C6: variants seen among roughly 807,000 people sequenced by gnomAD.
C6 encodes the protein complement component C6.
A neutral mutation model predicts 112.9 loss-of-function variants in C6; 101 were observed. That is an observed-to-expected ratio of 0.89 (90% confidence interval 0.76 to 1.06). C6 has a LOEUF of 1.06. Among genes scored for constraint, C6 ranks in the 50% least tolerant of loss-of-function variants. C6 has a pLI of 0.00. For synonymous variants in C6, 431 were observed against 384.1 expected (o/e 1.12, Z -1.43); for missense variants, 1,202 against 1,104.6 (o/e 1.09, Z -1.25).
At chr5:41,218,843 G>A (rs1738988871) in intron 1 of C6, among the ~76,000 whole-genome samples, 1 of 152,158 alleles carries the variant, frequency 6.6e-6, no homozygotes, top group African/African-American at 2.4e-5. Flanking sequence ...TGGAAAAAAT[G>A]TACATGTGAG....
At chr5:41,225,607 T>G (rs1212393558) in intron 1 of C6, among the ~76,000 whole-genome samples, 3 of 152,096 alleles carry the variant, frequency 2.0e-5, no homozygotes, top group Non-Finnish European at 4.4e-5. Flanking sequence ...TGGGTCAAAT[T>G]GTATTTCTAG....
chr5:41,167,849 G>A (rs1748108552), intron 9 of C6, among the ~76,000 whole-genome samples: 1 of 152,136 alleles, frequency 6.6e-6, no homozygotes, highest in African/African-American at 2.4e-5. Flanking sequence ...AGTTTATGGG[G>A]ACAATACTTC....
intron 1 of C6, chr5:41,212,858 A>G (rs997729342): frequency 2.0e-5 from 3 of 152,184 alleles, no homozygotes; most frequent in African/African-American, 7.2e-5. Context: ...TCACTTTCTA[A>G]TGTATTTTAC....
intron 15 of C6, 111 bp from the exon 16 acceptor site, chr5:41,150,136 G>C (rs985893234): frequency 2.7e-6 from 2 of 754,130 alleles, no homozygotes; most frequent in African/African-American, 1.7e-5. Flanking sequence ...ATCTCTTGGA[G>C]TTAGATCATT....
chr5:41,178,520 G>T (rs1248545258), intron 7 of C6, among the ~76,000 whole-genome samples: 1 of 140,458 alleles, frequency 7.1e-6, no homozygotes, highest in Non-Finnish European at 1.5e-5. Context: ...CTGTCACCCA[G>T]GCTGGAGTGC....
chr5:41,233,666 T>G (rs1239111522), intron 1 of C6, among the ~76,000 whole-genome samples: 4 of 148,980 alleles, frequency 2.7e-5, no homozygotes, highest in African/African-American at 7.3e-5. Context: ...GTTGCTCCAA[T>G]TTAGTGCATG....
intron 4 of C6, among the ~76,000 whole-genome samples, chr5:41,196,443 G>A (rs1750627627): frequency 6.6e-6 from 1 of 151,938 alleles, no homozygotes; most frequent in African/African-American, 2.4e-5. Context: ...TGTCCAGGGA[G>A]AAGGAGGGGG....
chr5:41,175,133 TTGAC>T (rs1748729137), intron 8 of C6, among the ~76,000 whole-genome samples: 1 of 152,182 alleles, frequency 6.6e-6, no homozygotes, highest in Non-Finnish European at 1.5e-5. Flanking sequence ...GTCATCCTCT[TTGAC>T]TGAGCATGCA....
At chr5:41,219,849 T>A (rs575943879) in intron 1 of C6, among the ~76,000 whole-genome samples, 3 of 152,162 alleles carry the variant, frequency 2.0e-5, no homozygotes, top group Non-Finnish European at 4.4e-5. Flanking sequence ...GTTGTCTCAG[T>A]CAAATGCTTG....
Position 41,194,886 on chromosome 5 carries a change from GAAGA to G in C6, c.587+902_587+905del, listed in dbSNP as rs1291726318. On this transcript the variant is annotated intron_variant, in intron 5 of 17. Coordinates refer to ENST00000337836, the MANE Select transcript of C6 (RefSeq NM_000065.5). ...GGGTATTCCTGTAGTAGGAACACTA[GAAGA>G]AAGAGCTATGTGATCTCCTGAGGTT... Among the ~76,000 whole-genome samples, 3 of 152,184 alleles carry G rather than the reference GAAGA, an allele frequency of 2.0e-5. No homozygotes were observed. In the South Asian group the frequency reaches 6.2e-4, roughly 32 times the overall value.
In C6 at chr5:41,199,867, G is replaced by A; in HGVS notation, c.346C>T (p.Pro116Ser). Residue 116 changes from proline to serine, a missense_variant, in exon 4 of 18, where the codon CCA becomes TCA. Coordinates refer to ENST00000337836, the MANE Select transcript of C6 (RefSeq NM_000065.5). ...VLRPSQFGGQ[P>S]CTAPLVAFQP... is the part of the protein sequence containing the mutation. ...AAGGCTACCAGAGGCGCAGTGCATG[G>A]CTGTCCCCCAAACTGACTGGGACGC... The A allele has an allele frequency of 6.2e-7, 1 of 1,613,552 alleles. No individual in the cohort carries two copies. The highest frequency in any genetic ancestry group is 1.1e-5 in the South Asian group (1 of 91,066).
rs115825811 is a variant in C6, at chr5:41,205,681, C to A, written c.-20-2431G>T. On this transcript the variant is annotated intron_variant, in intron 1 of 17. Coordinates refer to ENST00000337836, the MANE Select transcript of C6 (RefSeq NM_000065.5). ...ACAGGGAGGCTGGCGGAGGGGTGCC[C>A]GCCTTTGCTGAGGCTTGAGTAGGTA... Among the ~76,000 whole-genome samples, 636 of 152,312 alleles carry A rather than the reference C, an allele frequency of 4.2e-3. 7 individuals carry two copies. The highest frequency in any genetic ancestry group is 0.015 in the African/African-American group (610 of 41,574).
intron 1 of C6, among the ~76,000 whole-genome samples, chr5:41,205,454 G>A (rs1751360950): frequency 6.6e-6 from 1 of 152,174 alleles, no homozygotes; most frequent in Admixed American, 6.5e-5. Context: ...AAGGGGTCGG[G>A]GAATTCCCTT....
rs747816645 is a variant in C6, at chr5:41,187,699, T to TAAACACAC, written c.588-1492_588-1491insGTGTGTTT. 4.6e-3 allele frequency among the ~76,000 whole-genome samples: 572 copies of TAAACACAC among 123,328 alleles called. 6 individuals carry two copies. The highest frequency in any genetic ancestry group is 0.016 in the African/African-American group (523 of 32,832). 80.9% of individuals were successfully genotyped at this position (123,328 alleles called of 152,430 possible). A position where few individuals can be genotyped will look rare whatever the true frequency, so the allele number is the denominator to read the frequency against. ...ATGTAAAAGTACACAGACACACACA[T>TAAACACAC]ACACACACACACACACACACACACA... On this transcript the variant is annotated intron_variant, in intron 5 of 17. Transcript: ENST00000337836.
intron 1 of C6, among the ~76,000 whole-genome samples, chr5:41,253,384 T>A (rs1243777014): frequency 6.6e-6 from 1 of 152,132 alleles, no homozygotes; most frequent in Non-Finnish European, 1.5e-5. Flanking sequence ...ATCTCATAAA[T>A]CTCTCTCTGT....
At chr5:41,192,020 C>T (rs1227898238) in intron 5 of C6, among the ~76,000 whole-genome samples, 1 of 152,094 alleles carries the variant, frequency 6.6e-6, no homozygotes, top group African/African-American at 2.4e-5. Flanking sequence ...TTTCTCTACC[C>T]AGTATGATGC....
At chr5:41,165,902 T>C (rs1482556869) in intron 9 of C6, among the ~76,000 whole-genome samples, 1 of 152,132 alleles carries the variant, frequency 6.6e-6, no homozygotes, top group Non-Finnish European at 1.5e-5. Context: ...ACTTAATACA[T>C]CACAGCATGA....
In C6 at chr5:41,142,923, A is replaced by G. The variant is rs1745479782; in HGVS notation, c.2707T>C (p.Ser903Pro). Reference protein sequence around the residue: ...NQLYCVKMGSSTSEKTLNICE... With the variant: ...NQLYCVKMGSPTSEKTLNICE... ...ATGTTCAATGTTTTCTCACTTGTTGATGATCCCATTTTGACACAGTAGAGT... is the reference window on the plus strand; with the variant it reads ...ATGTTCAATGTTTTCTCACTTGTTGGTGATCCCATTTTGACACAGTAGAGT... Residue 903 changes from serine to proline, a missense_variant, in exon 18 of 18, where the codon TCA (serine) becomes CCA (proline). Transcript: ENST00000337836. 1 of 1,613,422 alleles carries G rather than the reference A, an allele frequency of 6.2e-7. No homozygotes were observed. Among genetic ancestry groups the G allele is most frequent in the Admixed American group, 1.7e-5 (1 of 59,880 alleles).
chr5:41,246,410 C>G lies in C6; in HGVS notation c.-21+14784G>C, dbSNP rs1282392625. Among the ~76,000 whole-genome samples the G allele has an allele frequency of 2.0e-5, 3 of 152,296 alleles. No homozygotes were observed. The East Asian group carries it at 5.8e-4, about 29-fold the overall frequency. On this transcript the variant is annotated intron_variant, in intron 1 of 17. Coordinates refer to the C6 transcript ENST00000263413. ...CACACAGATGTTTTTGAAATTGCAT[C>G]CAACTATTCTAATTATTCTTAGTGG...
Sources: gnomAD v4.1 joint callset for allele counts (sites outside exome capture counted in the v4.1 genomes callset) on GRCh38, gnomAD v4.1.1 for gene constraint, MANE v1.5 for transcripts, NCBI Gene and HGNC (gene_info 2026-07-23, HGNC 2026-07-21) for gene names.